CNTN5: variants seen among roughly 807,000 people sequenced by gnomAD.
The protein encoded by CNTN5 is contactin-5.
Under a neutral mutation model 129.1 loss-of-function variants are expected in CNTN5, and 77 were observed. That is an observed-to-expected ratio of 0.60 (90% CI 0.50 to 0.72). The LOEUF is 0.72. Ranked by LOEUF, CNTN5 falls within the 30% of genes least tolerant of loss-of-function variation. CNTN5 has a pLI of 0.00. For synonymous variants in CNTN5, 509 were observed against 465.6 expected (o/e 1.09, Z -1.20); for missense variants, 1,478 against 1,328.8 (o/e 1.11, Z -1.75).
intron 18 of CNTN5, among the ~76,000 whole-genome samples, chr11:100,276,877 C>G (rs866730013): frequency 3.3e-5 from 5 of 151,776 alleles, no homozygotes; most frequent in African/African-American, 1.2e-4. Flanking sequence ...ACTATAGTCA[C>G]CCTGTTATGC....
At chr11:99,270,145 T>C (rs1863106631) in intron 1 of CNTN5, among the ~76,000 whole-genome samples, 2 of 151,910 alleles carry the variant, frequency 1.3e-5, no homozygotes, top group African/African-American at 4.8e-5. Context: ...TTTTGTGTTT[T>C]ATTTCATTTT....
At chr11:100,086,960 A>C (rs2137967032) in intron 13 of CNTN5, among the ~76,000 whole-genome samples, 1 of 151,830 alleles carries the variant, frequency 6.6e-6, no homozygotes, top group Middle Eastern at 3.4e-3. Context: ...TTCTATCTTA[A>C]GAAATTAGGA....
At chr11:99,622,262 A>G (rs1475537685) in intron 3 of CNTN5, among the ~76,000 whole-genome samples, 1 of 152,192 alleles carries the variant, frequency 6.6e-6, no homozygotes, top group Non-Finnish European at 1.5e-5. Flanking sequence ...GATTTAAAAT[A>G]AAATTTACAA....
At chr11:99,185,711 A>C (rs1182946103) in intron 1 of CNTN5, among the ~76,000 whole-genome samples, 1 of 151,828 alleles carries the variant, frequency 6.6e-6, no homozygotes, top group Non-Finnish European at 1.5e-5. Context: ...TTTTGTACTT[A>C]GTTGGAGCTG....
rs142930801 is a variant in CNTN5 at position 99,509,116 on chromosome 11, AG to A, written c.-70-47028del. On this transcript the variant is annotated intron_variant, in intron 2 of 24. Coordinates refer to ENST00000524871, the MANE Select transcript of CNTN5 (RefSeq NM_014361.4). The stretch of plus-strand genomic sequence containing the variant: ...ATATATCTTAGAACCAAAAGTACTA[AG>A]TTGAATATAAATCATCATGTTGTAC... Among the ~76,000 whole-genome samples the A allele has an allele frequency of 6.3e-3, 962 of 152,342 alleles. 8 individuals carry two copies. The highest frequency in any genetic ancestry group is 0.022 in the African/African-American group (905 of 41,576).
chr11:99,216,284 A>T (rs1423849063), intron 1 of CNTN5, among the ~76,000 whole-genome samples: 3 of 152,268 alleles, frequency 2.0e-5, no homozygotes, highest in African/African-American at 7.2e-5. Context: ...TGTATTTAAC[A>T]TAAAGGCCTC....
intron 3 of CNTN5, among the ~76,000 whole-genome samples, chr11:99,586,272 C>G (rs1014287074): frequency 6.6e-6 from 1 of 152,098 alleles, no homozygotes; most frequent in African/African-American, 2.4e-5. Flanking sequence ...AACATTTGTG[C>G]TAACCATTGG....
At chr11:99,595,327 T>C (rs1950093374) in intron 3 of CNTN5, among the ~76,000 whole-genome samples, 1 of 150,492 alleles carries the variant, frequency 6.6e-6, no homozygotes, top group Admixed American at 6.7e-5. Flanking sequence ...CCCATAAATA[T>C]GTACAATTAT....
intron 3 of CNTN5, among the ~76,000 whole-genome samples, chr11:99,613,336 T>G (rs1211637318): frequency 6.6e-6 from 1 of 152,200 alleles, no homozygotes; most frequent in African/African-American, 2.4e-5. Flanking sequence ...GCTGGGCCTG[T>G]CTTCTTCCTG....
intron 9 of CNTN5, among the ~76,000 whole-genome samples, chr11:100,030,558 T>C (rs968949229): frequency 5.9e-5 from 9 of 152,200 alleles, no homozygotes; most frequent in Admixed American, 6.5e-5. Flanking sequence ...AAGTGTGCCA[T>C]GTATTGTGTA....
rs907421384 is a variant in CNTN5 at position 100,358,757 on chromosome 11, G to A, written c.*2537G>A. The A allele has an allele frequency of 1.3e-5, 2 of 151,844 alleles. No homozygotes were observed. The highest frequency in any genetic ancestry group is 2.9e-5 in the Non-Finnish European group (2 of 67,854). 9.4% of individuals were successfully genotyped at this position (151,844 alleles called of 1,614,324 possible). A position where few individuals can be genotyped will look rare whatever the true frequency, so the allele number is the denominator to read the frequency against. On this transcript the variant is annotated 3_prime_UTR_variant, in exon 25 of 25. Coordinates refer to ENST00000524871, the MANE Select transcript of CNTN5 (RefSeq NM_014361.4). ...CATGTCAAACTGTTAAATATATTGT[G>A]TACGATCTGTATATATACTATATAT...
In CNTN5 at chr11:100,268,244, T is replaced by C. The variant is rs190693071; in HGVS notation, c.2165-2848T>C. Among the ~76,000 whole-genome samples, 409 of 152,304 alleles carry C rather than the reference T, an allele frequency of 2.7e-3. 1 individual carries two copies. The highest frequency in any genetic ancestry group is 6.8e-3 in the Middle Eastern group (2 of 294). Reference sequence around the variant, plus strand: ...GGGATTTCAGGTAGGCATTTGGATATATAAGTATGGTGTTTAAGTGAGAGG... The same window carrying C: ...GGGATTTCAGGTAGGCATTTGGATACATAAGTATGGTGTTTAAGTGAGAGG... On this transcript the variant is annotated intron_variant, in intron 17 of 24. Coordinates refer to ENST00000524871, the MANE Select transcript of CNTN5 (RefSeq NM_014361.4).
At chr11:100,008,918 C>A (rs1940349640) in intron 9 of CNTN5, among the ~76,000 whole-genome samples, 1 of 152,138 alleles carries the variant, frequency 6.6e-6, no homozygotes, top group East Asian at 1.9e-4. Flanking sequence ...AGTACAGTTA[C>A]CTTTTTATGA....
At chr11:99,799,842 T>A (rs936669849) in intron 3 of CNTN5, among the ~76,000 whole-genome samples, 2 of 152,096 alleles carry the variant, frequency 1.3e-5, no homozygotes, top group African/African-American at 4.8e-5. Flanking sequence ...TCTTTGTATA[T>A]CTTGTGGAAT....
At chr11:99,417,481 A>T (rs1368397920) in intron 2 of CNTN5, among the ~76,000 whole-genome samples, 1 of 152,166 alleles carries the variant, frequency 6.6e-6, no homozygotes, top group Admixed American at 6.5e-5. Flanking sequence ...AGTTTTTGCT[A>T]GAAATGCACA....
chr11:99,808,765 C>T (rs1376803235), intron 3 of CNTN5, among the ~76,000 whole-genome samples: 1 of 152,076 alleles, frequency 6.6e-6, no homozygotes, highest in Non-Finnish European at 1.5e-5. Context: ...TACTGCCAAG[C>T]ACTTTTTCTT....
intron 1 of CNTN5, among the ~76,000 whole-genome samples, chr11:99,064,291 T>C (rs7115147): frequency 0.34 from 51,210 of 152,024 alleles, 9,059 homozygotes; most frequent in African/African-American, 0.42. Context: ...GTTAGCATAG[T>C]AGCTGCATGG....
intron 1 of CNTN5, among the ~76,000 whole-genome samples, chr11:99,324,488 A>G (rs1174790677): frequency 6.6e-6 from 1 of 152,236 alleles, no homozygotes; most frequent in Admixed American, 6.5e-5. Context: ...TGCTGAAAAC[A>G]ATAAGAAATA....
At chr11:99,777,675 G>A (rs899223314) in intron 3 of CNTN5, among the ~76,000 whole-genome samples, 1 of 151,764 alleles carries the variant, frequency 6.6e-6, no homozygotes, top group African/African-American at 2.4e-5. Flanking sequence ...TAAATTGAAA[G>A]CTTCAAATTC....
Sources: gnomAD v4.1 joint callset for allele counts (sites outside exome capture counted in the v4.1 genomes callset) on GRCh38, gnomAD v4.1.1 for gene constraint, MANE v1.5 for transcripts, NCBI Gene and HGNC (gene_info 2026-07-23, HGNC 2026-07-21) for gene names.